The following CLASP1 variants were observed in gnomAD, a reference collection of about 807,000 sequenced individuals.
CLASP1 encodes the protein cytoplasmic linker associated protein 1.
CLASP1 carries 38 observed loss-of-function variants against 192.3 expected under a neutral mutation model. The observed-to-expected ratio is 0.20, with a 90% CI of 0.15 to 0.26. The LOEUF (loss-of-function observed/expected upper bound fraction) is 0.26, where lower values mean the gene tolerates loss of function less well. CLASP1 is among the 10% of genes least tolerant of loss of function. CLASP1 has a pLI of 1.00. For missense variants in CLASP1, 1,433 were observed against 1,932.5 expected, an observed-to-expected ratio of 0.74 and a Z score of 4.85; for synonymous variants, 691 against 712.8, an observed-to-expected ratio of 0.97 and a Z score of 0.49.
exon 39 of CLASP1, chr2:121,347,061 G>C: frequency 6.3e-7 from 1 of 1,578,504 alleles, no homozygotes; most frequent in Non-Finnish European, 8.6e-7. Context: ...AGCTGTGCAA[G>C]GTGAGGTTTC....
At chr2:121,463,382 T>C (rs895688145) in intron 9 of CLASP1, among the ~76,000 whole-genome samples, 1 of 152,170 alleles carries the variant, frequency 6.6e-6, no homozygotes, top group Non-Finnish European at 1.5e-5. Flanking sequence ...CTGATAACTA[T>C]CCAGACAGAA....
At chr2:121,398,388 T>C (rs1316768346) in exon 29 of CLASP1, 8 of 1,590,274 alleles carry the variant, frequency 5.0e-6, no homozygotes, top group Non-Finnish European at 5.1e-6. Flanking sequence ...GTTGATCAAA[T>C]GGAAAGGAGT....
At chr2:121,556,158 A>AT (rs1328797140) in intron 2 of CLASP1, among the ~76,000 whole-genome samples, 2 of 150,974 alleles carry the variant, frequency 1.3e-5, no homozygotes, top group Non-Finnish European at 2.9e-5. Flanking sequence ...TAATTTTCGT[A>AT]TTTTTTGTAT....
At chr2:121,639,015 G>C (rs556820637) in intron 1 of CLASP1, among the ~76,000 whole-genome samples, 1 of 152,104 alleles carries the variant, frequency 6.6e-6, no homozygotes, top group African/African-American at 2.4e-5. Context: ...GGTGGCTCAC[G>C]CCTGTAATCC....
At chr2:121,617,928 C>G (rs1001838454) in intron 1 of CLASP1, among the ~76,000 whole-genome samples, 2 of 152,206 alleles carry the variant, frequency 1.3e-5, no homozygotes, top group Non-Finnish European at 2.9e-5. Flanking sequence ...AAACTCTTTA[C>G]TACTTCAGGG....
intron 1 of CLASP1, among the ~76,000 whole-genome samples, chr2:121,606,652 G>T (rs977149852): frequency 6.6e-6 from 1 of 152,184 alleles, no homozygotes; most frequent in Non-Finnish European, 1.5e-5. Context: ...AAAGTGGCTG[G>T]CTTGGTCACA....
At chr2:121,464,619 TG>T (rs2089069242) in intron 9 of CLASP1, among the ~76,000 whole-genome samples, 1 of 152,226 alleles carries the variant, frequency 6.6e-6, no homozygotes, top group Admixed American at 6.5e-5. Flanking sequence ...TTTTTTCATG[TG>T]TTTTTTTAGC....
chr2:121,508,726 C>T (rs1005524533), intron 7 of CLASP1, among the ~76,000 whole-genome samples: 2 of 152,098 alleles, frequency 1.3e-5, no homozygotes, highest in Non-Finnish European at 2.9e-5. Context: ...GGGGTACATG[C>T]CACCACACCC....
chr2:121,427,287 G>A, intron 21 of CLASP1, 117 bp downstream of exon 21: 5 of 1,276,330 alleles, frequency 3.9e-6, no homozygotes, highest in Non-Finnish European at 5.4e-6. Context: ...GAAAAACGCA[G>A]AAAGATTAAC....
intron 37 of CLASP1, among the ~76,000 whole-genome samples, chr2:121,362,327 C>T (rs1041969975): frequency 2.0e-5 from 3 of 152,200 alleles, no homozygotes; most frequent in African/African-American, 7.2e-5. Flanking sequence ...GGCTTCTAGC[C>T]ACTTGAAAGC....
At chr2:121,446,138 T>C (rs1175544274) in intron 19 of CLASP1, among the ~76,000 whole-genome samples, 3 of 152,228 alleles carry the variant, frequency 2.0e-5, no homozygotes, top group Non-Finnish European at 4.4e-5. Context: ...GTATGAGGTA[T>C]TTCCATAAAA....
At chr2:121,360,691 AG>A (rs2066225680) in intron 37 of CLASP1, among the ~76,000 whole-genome samples, 1 of 152,138 alleles carries the variant, frequency 6.6e-6, no homozygotes, top group Admixed American at 6.5e-5. Context: ...CTCCTGGCAA[AG>A]TGACAGAGTA....
At chr2:121,425,336 A>T in intron 21 of CLASP1, 30 bp from the exon 22 acceptor site, 2 of 1,598,420 alleles carry the variant, frequency 1.3e-6, no homozygotes, top group South Asian at 2.2e-5. Context: ...ACAATGAATA[A>T]TAGATGTAAA....
rs1469721364 is a variant in CLASP1, at chr2:121,564,331, C to G, written c.196-34006G>C. ...ATCTATTCTTTCTGAGACCCTGTCA[C>G]TTAACCTCTCTGGCCCAGCACTGGA... On this transcript the variant is annotated intron_variant, in intron 2 of 39. Coordinates refer to ENST00000263710, the Ensembl canonical transcript of CLASP1. 3.9e-5 allele frequency among the ~76,000 whole-genome samples: 6 copies of G among 152,332 alleles called. 1 individual carries two copies. The highest frequency in any genetic ancestry group is 1.4e-4 in the African/African-American group (6 of 41,578).
rs551221185 is a variant in CLASP1 at position 121,465,379 on chromosome 2, G to C, written c.866-2774C>G. ...CAAGCATTCTTATACACCAATAACA[G>C]ACAAACAGAGAGCCAAATCATGAGT... On this transcript the variant is annotated intron_variant, in intron 9 of 39. Transcript: ENST00000263710. Among the ~76,000 whole-genome samples the C allele has an allele frequency of 6.3e-3, 963 of 152,234 alleles. 13 individuals are homozygous for C. The highest frequency in any genetic ancestry group is 0.022 in the African/African-American group (894 of 41,528).
chr2:121,605,976 G>T, exon 2 of CLASP1: 2 of 1,323,822 alleles, frequency 1.5e-6, no homozygotes, highest in Non-Finnish European at 2.1e-6. Context: ...CTGGGAGGTT[G>T]CCTCTTTGTT....
intron 1 of CLASP1, among the ~76,000 whole-genome samples, chr2:121,620,108 G>A (rs1354097398): frequency 6.6e-6 from 1 of 151,716 alleles, no homozygotes; most frequent in Non-Finnish European, 1.5e-5. Context: ...TGTAATCCCA[G>A]CTACTGAGGA....
Position 121,558,392 on chromosome 2 carries a change from C to A in CLASP1, c.196-28067G>T, listed in dbSNP as rs550574930. On this transcript the variant is annotated intron_variant, in intron 2 of 39. Coordinates refer to ENST00000263710, the Ensembl canonical transcript of CLASP1. The stretch of plus-strand genomic sequence containing the variant: ...TCTGCTATGGTTTGAATGTGCCCCC[C>A]CAAATTTCACGTTATAAATTTAATC... Among the ~76,000 whole-genome samples, 20 of 152,302 alleles carry A rather than the reference C, an allele frequency of 1.3e-4. No homozygotes were observed. In the South Asian group the frequency reaches 3.7e-3, roughly 28 times the overall value.
At chr2:121,384,069 CACACACACATATATATGTATATAT>C (rs1558972812) in intron 32 of CLASP1, among the ~76,000 whole-genome samples, 4 of 121,024 alleles carry the variant, frequency 3.3e-5, no homozygotes, top group African/African-American at 1.6e-4. Context: ...TGTATATATA[CACACACACATATATATGTATATAT>C]ACACACATAT....
Sources: allele counts gnomAD v4.1 joint callset (sites outside exome capture counted in the v4.1 genomes callset), GRCh38; gene constraint gnomAD v4.1.1; transcripts MANE v1.5; gene names NCBI Gene and HGNC (gene_info 2026-07-23, HGNC 2026-07-21).